The following PAFAH2 variants were observed in gnomAD, a reference collection of about 807,000 sequenced individuals.
PAFAH2 encodes the protein platelet activating factor acetylhydrolase 2.
PAFAH2 carries 42 observed loss-of-function variants against 49.0 expected under a neutral mutation model. That is an observed-to-expected ratio of 0.86 (90% confidence interval 0.67 to 1.11). PAFAH2 has a LOEUF of 1.11. Among genes scored for constraint, PAFAH2 ranks in the 50% least tolerant of loss-of-function variants. PAFAH2 has a pLI of 0.00. For missense variants in PAFAH2, 503 were observed against 501.8 expected (o/e 1.00, Z -0.02); for synonymous variants, 184 against 181.3 (o/e 1.01, Z -0.12).
At chr1:25,994,472 T>C (rs140885072) in intron 1 of PAFAH2, among the ~76,000 whole-genome samples, 1 of 152,260 alleles carries the variant, frequency 6.6e-6, no homozygotes, top group Non-Finnish European at 1.5e-5. Context: ...CTGATCTCTC[T>C]AAGCTTGATT....
rs183183390 is a variant in PAFAH2, at chr1:25,975,891, A to G, written c.758+791T>C. 7.7e-3 allele frequency among the ~76,000 whole-genome samples: 1,175 copies of G among 152,236 alleles called. 9 individuals carry two copies. Among genetic ancestry groups the G allele is most frequent in the Non-Finnish European group, 0.014 (948 of 68,018 alleles). ...TTTCCCATCATACGTAGAATAAAAT[A>G]TACACCTCCTTACCCTGGCCAGATG... is the stretch of plus-strand genomic sequence containing the variant. On this transcript the variant is annotated intron_variant, in intron 8 of 10. Coordinates refer to ENST00000374282, the MANE Select transcript of PAFAH2 (RefSeq NM_000437.4).
chr1:25,982,359 C>CAT lies in PAFAH2; in HGVS notation c.666+3_666+4dup. 6.2e-7 allele frequency: 1 copy of CAT among 1,607,302 alleles called. No individual in the cohort carries two copies. The highest frequency in any genetic ancestry group is 8.5e-7 in the Non-Finnish European group (1 of 1,173,960). On this transcript the variant is annotated splice_donor_region_variant and intron_variant, in intron 7 of 10. Coordinates refer to ENST00000374282, the MANE Select transcript of PAFAH2 (RefSeq NM_000437.4). ...GGCTCTAGGTCATACCAATTGCTTC[C>CAT]ATACCTTCAAAGTCATCAGATCCAA...
At chr1:25,987,213 G>A (rs956217833) in intron 4 of PAFAH2, among the ~76,000 whole-genome samples, 15 of 149,954 alleles carry the variant, frequency 1.0e-4, no homozygotes, top group African/African-American at 2.9e-4. Flanking sequence ...CAGCCTGGGC[G>A]ACTGATCGAG....
At chr1:25,988,128 G>A in intron 4 of PAFAH2, 103 bp downstream of exon 4, 3 of 717,270 alleles carry the variant, frequency 4.2e-6, no homozygotes, top group Non-Finnish European at 7.0e-6. Flanking sequence ...AAGACAGCTA[G>A]CAGATGGAAA....
chr1:25,969,809 A>T (rs532104205), intron 10 of PAFAH2, among the ~76,000 whole-genome samples: 25 of 151,996 alleles, frequency 1.6e-4, no homozygotes, highest in Non-Finnish European at 3.1e-4. Context: ...ATCATCTTTC[A>T]TCTTAAGCTT....
At chr1:25,970,514 A>C (rs2049490497) in intron 10 of PAFAH2, among the ~76,000 whole-genome samples, 2 of 152,188 alleles carry the variant, frequency 1.3e-5, no homozygotes, top group Admixed American at 1.3e-4. Flanking sequence ...AGAGCACAGA[A>C]GAGACTGTCC....
Position 25,982,412 on chromosome 1 carries a change from C to G in PAFAH2, c.618G>C (p.Gln206His), listed in dbSNP as rs2049703949. The change falls in exon 7 of 11, where the codon CAG (glutamine) becomes CAC (histidine). Residue 206 changes from glutamine to histidine, a missense_variant. Physicochemically the swap from Gln to His is conservative, Grantham distance 24 (BLOSUM62 0). Transcript: ENST00000374282. ...LKILQEVTAGQTVFNILPGGL... is the reference protein window; with the variant it reads ...LKILQEVTAGHTVFNILPGGL... ...CACCAGGCAAGATGTTGAAGACAGT[C>G]TGCCCAGCAGTGACCTCTTGCAGGA... The G allele has an allele frequency of 1.9e-6, 3 of 1,614,200 alleles. No individual in the cohort carries two copies. The highest frequency in any genetic ancestry group is 1.3e-5 in the African/African-American group (1 of 75,056).
At chr1:25,965,395 T>C (rs1247587000) in intron 10 of PAFAH2, among the ~76,000 whole-genome samples, 2 of 151,822 alleles carry the variant, frequency 1.3e-5, no homozygotes, top group Non-Finnish European at 2.9e-5. Context: ...AACAGACAAA[T>C]GAGACTGAAT....
intron 10 of PAFAH2, among the ~76,000 whole-genome samples, chr1:25,970,145 G>C (rs778980194): frequency 6.6e-6 from 1 of 152,192 alleles, no homozygotes; most frequent in Non-Finnish European, 1.5e-5. Context: ...AATGCACTCA[G>C]GTCATCCAAC....
At chr1:25,997,103 G>GT (rs1179490231) in intron 1 of PAFAH2, among the ~76,000 whole-genome samples, 4 of 152,222 alleles carry the variant, frequency 2.6e-5, no homozygotes, top group African/African-American at 9.6e-5. Flanking sequence ...TCTGCCAGCT[G>GT]TGTGACACTT....
chr1:25,990,889 G>A, intron 1 of PAFAH2, 26 bp from the exon 2 acceptor site: 1 of 1,232,898 alleles, frequency 8.1e-7, no homozygotes, highest in South Asian at 1.2e-5. Flanking sequence ...CAGAACAGCA[G>A]CCGCTTGCTG....
In PAFAH2 at chr1:25,960,291, T is replaced by C. The variant is rs1239400452; in HGVS notation, c.*1698A>G. 8 of 152,612 alleles carry C rather than the reference T, an allele frequency of 5.2e-5. No homozygotes were observed. Among genetic ancestry groups the C allele is most frequent in the African/African-American group, 1.7e-4 (7 of 41,464 alleles). 9.5% of individuals were successfully genotyped at this position (152,612 alleles called of 1,614,324 possible). On this transcript the variant is annotated 3_prime_UTR_variant, in exon 11 of 11. Transcript: ENST00000374282. Reference sequence around the variant, plus strand: ...CAGCTTGCTCTGGTGGCCCTGACCATGGGCCATTGTGTAGAGATGCATTTC... The same window carrying C: ...CAGCTTGCTCTGGTGGCCCTGACCACGGGCCATTGTGTAGAGATGCATTTC...
chr1:25,995,416 T>C (rs1039658351), intron 1 of PAFAH2, among the ~76,000 whole-genome samples: 3 of 152,180 alleles, frequency 2.0e-5, no homozygotes, highest in African/African-American at 4.8e-5. Context: ...CAAAAATGTA[T>C]ATTCTGGGGG....
At chr1:25,988,615 T>C (rs1432855499) in intron 3 of PAFAH2, among the ~76,000 whole-genome samples, 3 of 151,824 alleles carry the variant, frequency 2.0e-5, no homozygotes, top group African/African-American at 7.3e-5. Context: ...GAGACCAGCC[T>C]GGCCAAGTGA....
intron 10 of PAFAH2, among the ~76,000 whole-genome samples, chr1:25,965,562 C>T (rs758294132): frequency 1.3e-5 from 2 of 152,082 alleles, no homozygotes; most frequent in African/African-American, 2.4e-5. Context: ...ACGCCTGTAA[C>T]GCCAGCACTT....
In PAFAH2 at chr1:25,981,670, G is replaced by A. The variant is rs188437815; in HGVS notation, c.666+694C>T. Among the ~76,000 whole-genome samples, 137 of 152,330 alleles carry A rather than the reference G, an allele frequency of 9.0e-4. 2 individuals carry two copies. Among genetic ancestry groups the A allele is most frequent in the South Asian group, 5.2e-3 (25 of 4,832 alleles). ...TGGCCCAGAGGGGCATGAGACCCAC[G>A]TAGGGTCACAGCTTTCCCAGATTAG... On this transcript the variant is annotated intron_variant, in intron 7 of 10. Coordinates refer to ENST00000374282, the MANE Select transcript of PAFAH2 (RefSeq NM_000437.4).
intron 10 of PAFAH2, among the ~76,000 whole-genome samples, chr1:25,964,992 C>T (rs996627828): frequency 3.9e-5 from 6 of 152,176 alleles, no homozygotes; most frequent in Non-Finnish European, 7.4e-5. Flanking sequence ...GGAGGCATCA[C>T]ATGACCCAAC....
Position 25,974,551 on chromosome 1 carries a change from C to G in PAFAH2, c.858G>C (p.Gln286His). 6.2e-7 allele frequency: 1 copy of G among 1,614,092 alleles called. No individual in the cohort carries two copies. The highest frequency in any genetic ancestry group is 1.1e-5 in the South Asian group (1 of 91,082). Residue 286 changes from glutamine (Q) to histidine (H), a missense_variant, in exon 9 of 11, where the codon CAG (glutamine) becomes CAC (histidine). Transcript: ENST00000374282. Reference protein sequence around the residue: ...PVFFINTEKFQTMESVNLMKK... With the variant: ...PVFFINTEKFHTMESVNLMKK... Reference sequence around the variant, plus strand: ...TCATCAAATTGACACTCTCCATTGTCTGGAATTTCTCAGTATTGATAAAGA... The same window carrying G: ...TCATCAAATTGACACTCTCCATTGTGTGGAATTTCTCAGTATTGATAAAGA...
At chr1:25,988,867 CAGTACTGA>C (rs1249279016) in intron 3 of PAFAH2, among the ~76,000 whole-genome samples, 1 of 145,658 alleles carries the variant, frequency 6.9e-6, no homozygotes, top group East Asian at 2.0e-4. Context: ...TCCAAAGTGG[CAGTACTGA>C]ACCCGGGGTA....
Sources: allele counts gnomAD v4.1 joint callset (sites outside exome capture counted in the v4.1 genomes callset), GRCh38; gene constraint gnomAD v4.1.1; transcripts MANE v1.5; gene names NCBI Gene and HGNC (gene_info 2026-07-23, HGNC 2026-07-21).